Variants in MTA1 observed in about 807,000 individuals in gnomAD.
MTA1 encodes the protein metastasis-associated protein MTA1.
In MTA1, 15 loss-of-function variants were observed where a neutral mutation model predicts 97.0. The observed-to-expected ratio is 0.15, with a 90% CI of 0.10 to 0.24. MTA1 has a LOEUF of 0.24. Among genes scored for constraint, MTA1 ranks in the 10% least tolerant of loss-of-function variants. The pLI is 1.00. For synonymous variants in MTA1, 435 were observed against 417.5 expected, an observed-to-expected ratio of 1.04 and a Z score of -0.51; for missense variants, 709 against 1,015.1, an observed-to-expected ratio of 0.70 and a Z score of 4.10.
At chr14:105,429,152 T>TA (rs2082096851) in intron 1 of MTA1, among the ~76,000 whole-genome samples, 1 of 152,170 alleles carries the variant, frequency 6.6e-6, no homozygotes, top group African/African-American at 2.4e-5. Flanking sequence ...TGAAGGGAGT[T>TA]AGGGCCTCGC....
At chr14:105,440,278 G>A (rs1430069056) in intron 2 of MTA1, among the ~76,000 whole-genome samples, 1 of 152,276 alleles carries the variant, frequency 6.6e-6, no homozygotes, top group Non-Finnish European at 1.5e-5. Context: ...CATGTGGACT[G>A]TAGGGAAACA....
intron 3 of MTA1, among the ~76,000 whole-genome samples, chr14:105,448,624 G>T (rs1030911196): frequency 2.0e-5 from 3 of 152,222 alleles, no homozygotes; most frequent in Admixed American, 6.5e-5. Context: ...TGTCCTGGTC[G>T]GCCCTGCCCT....
At chr14:105,454,406 G>A in intron 7 of MTA1, 96 bp downstream of exon 7, 1 of 862,308 alleles carries the variant, frequency 1.2e-6, no homozygotes, top group South Asian at 1.4e-5. Flanking sequence ...GGCCGTGTCA[G>A]TGATTCATGT....
At chr14:105,443,652 C>T (rs1214801625) in intron 2 of MTA1, among the ~76,000 whole-genome samples, 3 of 152,210 alleles carry the variant, frequency 2.0e-5, no homozygotes, top group Non-Finnish European at 4.4e-5. Context: ...ACCAAATTAT[C>T]TTTAAGAAAA....
Position 105,466,430 on chromosome 14 carries a change from C to A in MTA1, c.1629C>A (p.Thr543=). The A allele has an allele frequency of 5.9e-6, 5 of 842,266 alleles. No individual in the cohort carries two copies. Among genetic ancestry groups the A allele is most frequent in the South Asian group, 1.3e-5 (1 of 74,768 alleles). 52.2% of individuals were successfully genotyped at this position (842,266 alleles called of 1,614,324 possible). ...PLEAVLRYLE[T]HPRPPKPDPV... ...TGCCTGTGTCATTCCCGGCAGAGACCCACCCCCGCCCCCCCAAGCCTGACC... is the reference window on the plus strand; with the variant it reads ...TGCCTGTGTCATTCCCGGCAGAGACACACCCCCGCCCCCCCAAGCCTGACC... The change falls in exon 17 of 21, where the codon ACC becomes ACA. Residue 543 remains threonine, a synonymous_variant. Coordinates refer to ENST00000331320, the MANE Select transcript of MTA1 (RefSeq NM_004689.4).
chr14:105,450,426 C>T, intron 6 of MTA1, 102 bp downstream of exon 6: 5 of 1,300,708 alleles, frequency 3.8e-6, no homozygotes, highest in Non-Finnish European at 5.2e-6. Context: ...ATTTTCCCTC[C>T]TCCCTCTAGG....
At chr14:105,469,801 G>A (rs782431256) in intron 19 of MTA1, 40 bp from the exon 20 acceptor site, 3 of 1,572,824 alleles carry the variant, frequency 1.9e-6, no homozygotes, top group Middle Eastern at 1.7e-4. Flanking sequence ...GGTGGAGCTG[G>A]CCCTTGGCTG....
At chr14:105,453,075 G>T (rs1223239285) in intron 6 of MTA1, among the ~76,000 whole-genome samples, 1 of 152,262 alleles carries the variant, frequency 6.6e-6, no homozygotes, top group Admixed American at 6.5e-5. Context: ...GCCCAGTGCA[G>T]GACACACAAT....
Position 105,462,395 on chromosome 14 carries a change from G to C in MTA1, c.943-789G>C, listed in dbSNP as rs147697913. The stretch of plus-strand genomic sequence containing the variant: ...ACCATCCTGGCCAACATGGTGAAAC[G>C]CCATGTCTACTAAAAATACAAAAAT... On this transcript the variant is annotated intron_variant, in intron 10 of 20. Coordinates refer to ENST00000331320, the MANE Select transcript of MTA1 (RefSeq NM_004689.4). 6.4e-4 allele frequency among the ~76,000 whole-genome samples: 97 copies of C among 151,554 alleles called. 2 individuals carry two copies. In the East Asian group the frequency reaches 7.6e-3, roughly 12 times the overall value.
At chr14:105,430,548 C>T (rs587762637) in intron 1 of MTA1, among the ~76,000 whole-genome samples, 1 of 152,266 alleles carries the variant, frequency 6.6e-6, no homozygotes, top group South Asian at 2.1e-4. Context: ...GTAGTGAGCA[C>T]CTGCTGTTGG....
intron 6 of MTA1, among the ~76,000 whole-genome samples, chr14:105,453,298 T>C (rs2141600853): frequency 6.6e-6 from 1 of 152,392 alleles, no homozygotes; most frequent in South Asian, 2.1e-4. Flanking sequence ...ACTCCTGATT[T>C]CTGTTGCTCT....
At chr14:105,429,466 T>TA (rs1555422940) in intron 1 of MTA1, among the ~76,000 whole-genome samples, 1 of 150,920 alleles carries the variant, frequency 6.6e-6, no homozygotes, top group African/African-American at 2.4e-5. Flanking sequence ...TTTTTTTTTT[T>TA]TTTGAGACAG....
chr14:105,466,076 G>A (rs1223434468), intron 16 of MTA1: 6 of 261,482 alleles, frequency 2.3e-5, no homozygotes, highest in Non-Finnish European at 4.4e-5. Flanking sequence ...GCAGCTCCGG[G>A]GGCCTGGACG....
intron 7 of MTA1, among the ~76,000 whole-genome samples, chr14:105,457,457 C>T (rs1468380420): frequency 2.0e-5 from 3 of 152,254 alleles, no homozygotes; most frequent in Non-Finnish European, 4.4e-5. Flanking sequence ...CGCCCACTCC[C>T]TGGCCCCCGG....
At chr14:105,426,375 C>CAAAAAA (rs781801650) in intron 1 of MTA1, among the ~76,000 whole-genome samples, 1 of 104,058 alleles carries the variant, frequency 9.6e-6, no homozygotes. Context: ...CTTCGTCTCA[C>CAAAAAA]AAAAAAAAAA....
rs587613496 is a variant in MTA1, at chr14:105,463,584, G to C, written c.1076+33G>C. The C allele has an allele frequency of 2.8e-5, 45 of 1,608,382 alleles. No individual in the cohort carries two copies. The South Asian group carries it at 4.8e-4, about 17-fold the overall frequency. ...TGCCCTCACAGCCGTCGTCCTCGTGGCCCCGGGGGCCAGGGAGGGTGGGCA... is the reference window on the plus strand; with the variant it reads ...TGCCCTCACAGCCGTCGTCCTCGTGCCCCCGGGGGCCAGGGAGGGTGGGCA... On this transcript the variant is annotated intron_variant, in intron 12 of 20. Coordinates refer to ENST00000331320, the MANE Select transcript of MTA1 (RefSeq NM_004689.4). This position sits in a 1 kb window ranked among gnomAD's most constrained non-coding sequence, Gnocchi z 5.9.
intron 2 of MTA1, among the ~76,000 whole-genome samples, chr14:105,444,558 AG>A (rs1567019028): frequency 6.6e-6 from 1 of 152,162 alleles, no homozygotes; most frequent in Non-Finnish European, 1.5e-5. Context: ...TGTGGGGCTG[AG>A]GCAGGCAGAT....
rs2083423026 is a variant in MTA1, at chr14:105,463,094, T to C, written c.943-90T>C. The C allele has an allele frequency of 3.1e-6, 4 of 1,309,980 alleles. No homozygotes were observed. Among genetic ancestry groups the C allele is most frequent in the Non-Finnish European group, 4.3e-6 (4 of 923,792 alleles). The allele number at this position is 1,309,980 out of a possible 1,614,324, so 81.1% of individuals were successfully genotyped here. On this transcript the variant is annotated intron_variant, in intron 10 of 20. Coordinates refer to ENST00000331320, the MANE Select transcript of MTA1 (RefSeq NM_004689.4). The surrounding 1 kb of genome is among the most constrained non-coding windows in gnomAD (Gnocchi z 5.9). ...GCCCTCTGGCCTCCCGCCCCCTCTG[T>C]GGCCTTCTGGCCGCAGCCCTGCCCC...
chr14:105,436,236 T>A (rs1279410501), intron 1 of MTA1, among the ~76,000 whole-genome samples: 4 of 152,148 alleles, frequency 2.6e-5, no homozygotes, highest in African/African-American at 9.7e-5. Context: ...TCCATTGCAC[T>A]CCATCCAGCC....
Sources: gnomAD v4.1 joint callset for allele counts (sites outside exome capture counted in the v4.1 genomes callset) on GRCh38, gnomAD v4.1.1 for gene constraint, Gnocchi (gnomAD v3.1) non-coding constraint, MANE v1.5 for transcripts, NCBI Gene and HGNC (gene_info 2026-07-23, HGNC 2026-07-21) for gene names.